Variants in ELF2 observed in about 807,000 individuals in gnomAD.
ELF2 encodes ETS-related transcription factor Elf-2.
A neutral mutation model predicts 54.8 loss-of-function variants in ELF2; 11 were observed. The observed-to-expected ratio is 0.20, with a 90% CI of 0.13 to 0.33. ELF2 has a LOEUF of 0.33. Ranked by LOEUF, ELF2 falls within the 10% of genes least tolerant of loss-of-function variation. The probability of loss-of-function intolerance (pLI) is 1.00; values close to 1 mark genes in which losing one functional copy is unlikely to be tolerated. For synonymous variants in ELF2, 203 were observed against 245.1 expected, an observed-to-expected ratio of 0.83 and a Z score of 1.61; for missense variants, 513 against 703.0, an observed-to-expected ratio of 0.73 and a Z score of 3.06.
chr4:139,061,042 T>TACCTA (rs1727768750), intron 8 of ELF2, among the ~76,000 whole-genome samples: 1 of 152,232 alleles, frequency 6.6e-6, no homozygotes, highest in South Asian at 2.1e-4. Flanking sequence ...CTGGAAAAAT[T>TACCTA]ACCTAAGCCA....
At chr4:139,071,309 T>C (rs891401318) in intron 6 of ELF2, among the ~76,000 whole-genome samples, 3 of 151,922 alleles carry the variant, frequency 2.0e-5, no homozygotes, top group African/African-American at 4.8e-5. Context: ...GAATATGATA[T>C]ATATCATATA....
At chr4:139,080,580 C>T (rs1006536437) in intron 4 of ELF2, among the ~76,000 whole-genome samples, 7 of 151,870 alleles carry the variant, frequency 4.6e-5, no homozygotes, top group African/African-American at 1.5e-4. Flanking sequence ...CTTCTGATTA[C>T]CTTATTTCGC....
intron 1 of ELF2, among the ~76,000 whole-genome samples, chr4:139,173,861 G>A (rs2148922147): frequency 6.6e-6 from 1 of 151,920 alleles, no homozygotes; most frequent in African/African-American, 2.4e-5. Flanking sequence ...GCCAAAGAGA[G>A]AGGATTGCTC....
chr4:139,120,628 G>A (rs1736221579), intron 4 of ELF2, among the ~76,000 whole-genome samples: 1 of 151,564 alleles, frequency 6.6e-6, no homozygotes, highest in African/African-American at 2.4e-5. Flanking sequence ...TTTTTTAAGA[G>A]ATGGAGTCTC....
At chr4:139,127,752 GT>G (rs1447125049) in intron 3 of ELF2, among the ~76,000 whole-genome samples, 1 of 151,988 alleles carries the variant, frequency 6.6e-6, no homozygotes, top group African/African-American at 2.4e-5. Context: ...ATCACCTGAG[GT>G]CAGGTGTTCG....
In ELF2 at chr4:139,130,529, T is replaced by G. The variant is rs77580319; in HGVS notation, c.73-5200A>C. Among the ~76,000 whole-genome samples, 5 of 152,326 alleles carry G rather than the reference T, an allele frequency of 3.3e-5. No homozygotes were observed. The East Asian group carries it at 9.6e-4, about 29-fold the overall frequency. ...CATCTACTGAAGGCTTTTCATCAAG[T>G]TCCAGGGAATCTTCTATAATCCTCC... On this transcript the variant is annotated intron_variant, in intron 3 of 9. Coordinates refer to ENST00000686138, the MANE Select transcript of ELF2 (RefSeq NM_001331036.3).
chr4:139,060,289 T>C (rs1484910772), intron 9 of ELF2, 35 bp downstream of exon 9: 2 of 1,506,286 alleles, frequency 1.3e-6, no homozygotes, highest in African/African-American at 2.8e-5. Flanking sequence ...TTTTAAAAAG[T>C]AAATACATTG....
chr4:139,119,690 T>C (rs1359217380), intron 4 of ELF2, among the ~76,000 whole-genome samples: 1 of 152,258 alleles, frequency 6.6e-6, no homozygotes, highest in East Asian at 1.9e-4. Context: ...TAGCCCTTTA[T>C]TAAAACATTC....
intron 4 of ELF2, among the ~76,000 whole-genome samples, chr4:139,085,113 G>C (rs1274155338): frequency 1.3e-5 from 2 of 152,124 alleles, no homozygotes; most frequent in South Asian, 2.1e-4. Context: ...AGTAATTCTT[G>C]CTGAAAACTA....
intron 8 of ELF2, among the ~76,000 whole-genome samples, chr4:139,061,531 C>T (rs564851032): frequency 2.0e-5 from 3 of 152,146 alleles, no homozygotes; most frequent in African/African-American, 7.2e-5. Flanking sequence ...TTATAACAAA[C>T]CCCTAAAAAC....
rs1401691740 is a variant in ELF2, at chr4:139,092,408, ATAACATACAT to A, written c.239-18851_239-18842del. Among the ~76,000 whole-genome samples the A allele has an allele frequency of 7.4e-4, 51 of 68,798 alleles. 1 individual carries two copies. Among genetic ancestry groups the A allele is most frequent in the South Asian group, 1.2e-3 (2 of 1,670 alleles). The allele number at this position is 68,798 out of a possible 152,430, so 45.1% of individuals were successfully genotyped here. A position where few individuals can be genotyped will look rare whatever the true frequency, so the allele number is the denominator to read the frequency against. On this transcript the variant is annotated intron_variant, in intron 4 of 9. Coordinates refer to ENST00000686138, the MANE Select transcript of ELF2 (RefSeq NM_001331036.3). ...ATAACATAACATAACATAACATAACATAACATACATAACATAACATAACATAACATAACAT... is the reference window on the plus strand; with the variant it reads ...ATAACATAACATAACATAACATAACAAACATAACATAACATAACATAACAT...
intron 1 of ELF2, among the ~76,000 whole-genome samples, chr4:139,167,540 G>A (rs947172440): frequency 6.6e-6 from 1 of 152,136 alleles, no homozygotes; most frequent in East Asian, 1.9e-4. Flanking sequence ...AAAAAGTTAT[G>A]CTTCTAAAGA....
At chr4:139,160,876 T>A (rs1741063540) in intron 1 of ELF2, among the ~76,000 whole-genome samples, 1 of 152,120 alleles carries the variant, frequency 6.6e-6, no homozygotes, top group African/African-American at 2.4e-5. Flanking sequence ...GACAGAAGAA[T>A]GTCTTGAACC....
At chr4:139,123,223 A>G (rs1265896885) in intron 4 of ELF2, among the ~76,000 whole-genome samples, 3 of 152,022 alleles carry the variant, frequency 2.0e-5, no homozygotes, top group Admixed American at 1.3e-4. Context: ...TGGAACATGT[A>G]CAATGAATTT....
chr4:139,061,298 C>T (rs1407982721), intron 8 of ELF2, among the ~76,000 whole-genome samples: 1 of 151,986 alleles, frequency 6.6e-6, no homozygotes, highest in Non-Finnish European at 1.5e-5. Context: ...CCTCAGCCTC[C>T]CGAATAGCTG....
Position 139,114,642 on chromosome 4 carries a change from CTTTTT to C in ELF2, c.238+10517_238+10521del, listed in dbSNP as rs59282364. Among the ~76,000 whole-genome samples, 25 of 104,848 alleles carry C rather than the reference CTTTTT, an allele frequency of 2.4e-4. No homozygotes were observed. The South Asian group carries it at 3.8e-3, about 16-fold the overall frequency. 68.8% of individuals were successfully genotyped at this position (104,848 alleles called of 152,430 possible). ...ACTGACATGGATTTTTTTTTTCTTT[CTTTTT>C]TTTTTTTTTTTTTGCACCAAAGGCG... On this transcript the variant is annotated intron_variant, in intron 4 of 9. Transcript: ENST00000686138.
At chr4:139,112,529 G>A (rs1206207614) in intron 4 of ELF2, among the ~76,000 whole-genome samples, 1 of 152,166 alleles carries the variant, frequency 6.6e-6, no homozygotes, top group African/African-American at 2.4e-5. Context: ...AGGGATATGT[G>A]TTAAAGCATT....
At chr4:139,137,436 C>A in intron 3 of ELF2, 194 bp downstream of exon 3, 1 of 607,976 alleles carries the variant, frequency 1.6e-6, no homozygotes, top group Non-Finnish European at 2.9e-6. Context: ...TATGTTCCAA[C>A]AATTCACGTA....
rs1731658848 is a variant in ELF2, at chr4:139,084,292, G to A, written c.239-10725C>T. ...CCGCGGCCGGAGACACACGCCGTGCGACCGACACACACTCACGCACTCGCA... is the reference window on the plus strand; with the variant it reads ...CCGCGGCCGGAGACACACGCCGTGCAACCGACACACACTCACGCACTCGCA... On this transcript the variant is annotated intron_variant, in intron 4 of 9. Coordinates refer to ENST00000686138, the MANE Select transcript of ELF2 (RefSeq NM_001331036.3). 4 of 1,599,928 alleles carry A rather than the reference G, an allele frequency of 2.5e-6. No individual in the cohort carries two copies. The Admixed American group carries it at 5.0e-5, about 20-fold the overall frequency.
Sources: allele counts gnomAD v4.1 joint callset (sites outside exome capture counted in the v4.1 genomes callset), GRCh38; gene constraint gnomAD v4.1.1; transcripts MANE v1.5; gene names NCBI Gene and HGNC (gene_info 2026-07-23, HGNC 2026-07-21).